ZSCAN25: variants seen among roughly 807,000 people sequenced by gnomAD.
The protein encoded by ZSCAN25 is zinc finger and SCAN domain containing 25, also known as zinc finger and SCAN domain-containing protein 25.
A neutral mutation model predicts 38.7 loss-of-function variants in ZSCAN25; 27 were observed. The ratio of observed to expected loss-of-function variants is 0.70; its 90% confidence interval spans 0.51 to 0.96. The LOEUF is 0.96. Among genes scored for constraint, ZSCAN25 ranks in the 40% least tolerant of loss-of-function variants. The pLI is 0.00. For missense variants in ZSCAN25, 637 were observed against 705.9 expected (o/e 0.90, Z 1.11); for synonymous variants, 273 against 277.7 (o/e 0.98, Z 0.17).
the ZSCAN25 span, among the ~76,000 whole-genome samples, chr7:99,733,711 A>G: frequency 6.6e-6 from 1 of 152,052 alleles, no homozygotes; most frequent in South Asian, 2.1e-4. Flanking sequence ...ACCCATGAAT[A>G]TCTATTTGGA....
the ZSCAN25 span, chr7:99,730,854 G>C: frequency 1.7e-6 from 1 of 593,946 alleles, no homozygotes; most frequent in East Asian, 3.1e-5. Flanking sequence ...CATTTGGGCT[G>C]TCCAACTGAG....
the ZSCAN25 span, chr7:99,672,718 C>A: frequency 1.9e-6 from 3 of 1,612,100 alleles, no homozygotes; most frequent in Non-Finnish European, 2.5e-6. Context: ...CTTCACTAGC[C>A]CGATTCTGCA....
downstream of ZSCAN25, among the ~76,000 whole-genome samples, chr7:99,632,989 G>GTTGTTTTTTTTTTTTTTTT (rs1554412109): frequency 4.8e-4 from 62 of 128,548 alleles, 1 homozygote; most frequent in African/African-American, 1.8e-3. Context: ...ATTTTCTGTT[G>GTTGTTTTTTTTTTTTTTTT]TTTTTTTTTT....
chr7:99,733,751 C>T, the ZSCAN25 span, among the ~76,000 whole-genome samples: 1 of 152,202 alleles, frequency 6.6e-6, no homozygotes. Context: ...GGAATATTTT[C>T]TCACTTCATC....
At chr7:99,718,782 GAA>G in the ZSCAN25 span, among the ~76,000 whole-genome samples, 1 of 152,236 alleles carries the variant, frequency 6.6e-6, no homozygotes, top group Non-Finnish European at 1.5e-5. Flanking sequence ...AAGACTTCTA[GAA>G]ATACTAAGTC....
At chr7:99,716,036 G>A in the ZSCAN25 span, 1 of 1,559,410 alleles carries the variant, frequency 6.4e-7, no homozygotes. Context: ...ACTATTTACT[G>A]GAGCATCTCC....
chr7:99,726,387 T>C, the ZSCAN25 span, among the ~76,000 whole-genome samples: 1 of 152,242 alleles, frequency 6.6e-6, no homozygotes, highest in East Asian at 1.9e-4. Flanking sequence ...CAGACAAGTC[T>C]TACAGGTTTG....
chr7:99,698,173 T>G, the ZSCAN25 span, among the ~76,000 whole-genome samples: 1 of 152,224 alleles, frequency 6.6e-6, no homozygotes, highest in Non-Finnish European at 1.5e-5. Flanking sequence ...AAGGAGGGCA[T>G]GGTCTACACT....
chr7:99,660,541 C>G, the ZSCAN25 span: 1 of 1,613,578 alleles, frequency 6.2e-7, no homozygotes, highest in Non-Finnish European at 8.5e-7. Context: ...GCAGTTTCTG[C>G]TGGACATCAG....
chr7:99,726,619 CT>C, the ZSCAN25 span, among the ~76,000 whole-genome samples: 4 of 152,216 alleles, frequency 2.6e-5, no homozygotes, highest in Admixed American at 2.6e-4. Flanking sequence ...CTTACCTGGG[CT>C]GTACTGCCAC....
the ZSCAN25 span, chr7:99,647,752 A>G: frequency 1.0e-6 from 1 of 985,448 alleles, no homozygotes. Context: ...GCCCCACACC[A>G]ACAGTGATTA....
chr7:99,692,714 C>T, the ZSCAN25 span, among the ~76,000 whole-genome samples: 1 of 152,118 alleles, frequency 6.6e-6, no homozygotes, highest in Admixed American at 6.5e-5. Context: ...GCATGCATCA[C>T]GAAGTTCTTG....
the ZSCAN25 span, among the ~76,000 whole-genome samples, chr7:99,682,599 G>A: frequency 4.0e-5 from 6 of 149,728 alleles, no homozygotes; most frequent in Admixed American, 1.3e-4. Flanking sequence ...GGTAGCTTTC[G>A]CTATTCTGGG....
chr7:99,724,438 G>C, the ZSCAN25 span, among the ~76,000 whole-genome samples: 1 of 152,072 alleles, frequency 6.6e-6, no homozygotes, highest in East Asian at 1.9e-4. Context: ...CCTAGTCTCT[G>C]CTCCCAGTGT....
At chr7:99,712,828 C>T in the ZSCAN25 span, among the ~76,000 whole-genome samples, 1 of 152,108 alleles carries the variant, frequency 6.6e-6, no homozygotes, top group South Asian at 2.1e-4. Context: ...TTTTGCCACT[C>T]ATAGTAACAA....
At chr7:99,712,007 T>C in the ZSCAN25 span, among the ~76,000 whole-genome samples, 1 of 152,176 alleles carries the variant, frequency 6.6e-6, no homozygotes, top group Non-Finnish European at 1.5e-5. Context: ...AAAAGCTAGA[T>C]GAGTGGTGAT....
At chr7:99,737,417 C>T in the ZSCAN25 span, among the ~76,000 whole-genome samples, 5 of 152,054 alleles carry the variant, frequency 3.3e-5, no homozygotes, top group African/African-American at 1.2e-4. Context: ...TTTTCTAGAA[C>T]AAAGGACTCC....
the ZSCAN25 span, chr7:99,705,307 C>G: frequency 1.6e-6 from 1 of 614,544 alleles, no homozygotes; most frequent in South Asian, 1.9e-5. Flanking sequence ...GTCATCTCCT[C>G]TATATTACCA....
At chr7:99,652,536 T>G in the ZSCAN25 span, 10 of 1,571,980 alleles carry the variant, frequency 6.4e-6, no homozygotes, top group Non-Finnish European at 8.7e-6. Context: ...GAGCTCCATT[T>G]CCCTGGAGAC....
Sources: allele counts gnomAD v4.1 joint callset (sites outside exome capture counted in the v4.1 genomes callset), GRCh38; gene constraint gnomAD v4.1.1; transcripts MANE v1.5; gene names NCBI Gene and HGNC (gene_info 2026-07-23, HGNC 2026-07-21).